SORBS2: variants seen among roughly 807,000 people sequenced by gnomAD.
SORBS2 encodes sorbin and SH3 domain-containing protein 2.
A neutral mutation model predicts 97.7 loss-of-function variants in SORBS2; 46 were observed. The observed-to-expected ratio is 0.47, with a 90% CI of 0.37 to 0.60. The LOEUF is 0.60. SORBS2 is among the 20% of genes least tolerant of loss of function. SORBS2 has a pLI of 0.00. For synonymous variants in SORBS2, 476 were observed against 473.4 expected (o/e 1.01, Z -0.07); for missense variants, 1,316 against 1,282.3 (o/e 1.03, Z -0.40).
At chr4:185,727,433 C>T (rs530920169) in intron 2 of SORBS2, among the ~76,000 whole-genome samples, 1 of 152,242 alleles carries the variant, frequency 6.6e-6, no homozygotes, top group South Asian at 2.1e-4. Context: ...TTTAACTATA[C>T]GTTTGTGTCA....
upstream of SORBS2, among the ~76,000 whole-genome samples, chr4:185,660,503 T>C (rs892484722): frequency 6.6e-6 from 1 of 152,224 alleles, no homozygotes; most frequent in African/African-American, 2.4e-5. Flanking sequence ...TCCTCAGGCA[T>C]AGCATCAGCG....
intron 14 of SORBS2, chr4:185,588,126 T>C (rs2095831624): frequency 6.1e-6 from 1 of 163,452 alleles, no homozygotes; most frequent in Admixed American, 6.2e-5. Context: ...AGGTGCGACA[T>C]GAAGACATCA....
At chr4:185,677,674 G>A (rs925709272) in intron 4 of SORBS2, 1 of 1,442,400 alleles carries the variant, frequency 6.9e-7, no homozygotes, top group African/African-American at 1.4e-5. Flanking sequence ...AAGAAATAAA[G>A]TTGAAAGAAA....
At chr4:185,857,221 C>G (rs1040591631) in intron 1 of SORBS2, among the ~76,000 whole-genome samples, 2 of 152,154 alleles carry the variant, frequency 1.3e-5, no homozygotes, top group Non-Finnish European at 2.9e-5. Context: ...ACATTGTTCC[C>G]AAAATGAATA....
intron 2 of SORBS2, among the ~76,000 whole-genome samples, chr4:185,707,457 T>C (rs79795350): frequency 0.047 from 7,161 of 152,220 alleles, 327 homozygotes; most frequent in East Asian, 0.2. Flanking sequence ...ATGAGCAATA[T>C]TGGAAATGCT....
intron 1 of SORBS2, among the ~76,000 whole-genome samples, chr4:185,809,023 T>C (rs1466135035): frequency 6.6e-6 from 1 of 152,176 alleles, no homozygotes; most frequent in African/African-American, 2.4e-5. Context: ...GTAGCTTTTA[T>C]GAAATTGGGA....
intron 2 of SORBS2, among the ~76,000 whole-genome samples, chr4:185,731,194 G>A (rs2098620765): frequency 1.3e-5 from 2 of 152,134 alleles, no homozygotes; most frequent in Non-Finnish European, 2.9e-5. Flanking sequence ...AAATGCAGAG[G>A]CTGTAAGGCT....
chr4:185,694,650 T>G (rs1383589279), intron 2 of SORBS2, among the ~76,000 whole-genome samples: 1 of 152,130 alleles, frequency 6.6e-6, no homozygotes, highest in Admixed American at 6.5e-5. Flanking sequence ...TTCGGGTCTA[T>G]AGTCTTTTAA....
intron 12 of SORBS2, among the ~76,000 whole-genome samples, chr4:185,602,798 T>C (rs1458992590): frequency 6.6e-6 from 1 of 152,196 alleles, no homozygotes; most frequent in African/African-American, 2.4e-5. Context: ...TGGCCTAAAA[T>C]TACGAGTTGA....
exon 15 of SORBS2, chr4:185,585,589 A>T (rs931305160): frequency 6.6e-6 from 1 of 151,844 alleles, no homozygotes; most frequent in African/African-American, 2.4e-5. Context: ...GCTTGTAAGA[A>T]TTCAAAGTCA....
chr4:185,872,319 T>G (rs1259626925), intron 1 of SORBS2, among the ~76,000 whole-genome samples: 1 of 152,204 alleles, frequency 6.6e-6, no homozygotes, highest in East Asian at 1.9e-4. Flanking sequence ...TAATCTAATC[T>G]GGGTCATTCC....
chr4:185,657,510 C>T (rs1346481223), upstream of SORBS2: 16 of 1,569,176 alleles, frequency 1.0e-5, no homozygotes, highest in Middle Eastern at 1.7e-4. Context: ...ACTCTCTTCT[C>T]TTCCTCTGAG....
chr4:185,868,456 G>A (rs6838265), intron 1 of SORBS2, among the ~76,000 whole-genome samples: 35,447 of 150,860 alleles, frequency 0.23, 4,536 homozygotes, highest in Middle Eastern at 0.32. Context: ...GTGCCCAGCC[G>A]AAAGCTTCTA....
chr4:185,678,732 C>G (rs1032665055), intron 3 of SORBS2, 64 bp downstream of exon 6: 3 of 1,209,372 alleles, frequency 2.5e-6, no homozygotes, highest in African/African-American at 3.1e-5. Flanking sequence ...AGCGATGTGG[C>G]TATGAATATG....
At chr4:185,839,685 A>G (rs992327824) in intron 1 of SORBS2, among the ~76,000 whole-genome samples, 1 of 152,228 alleles carries the variant, frequency 6.6e-6, no homozygotes, top group African/African-American at 2.4e-5. Flanking sequence ...AATAAAGGAC[A>G]TACGTATAAA....
intron 2 of SORBS2, among the ~76,000 whole-genome samples, chr4:185,681,005 G>A (rs2097859447): frequency 6.6e-6 from 1 of 152,124 alleles, no homozygotes; most frequent in South Asian, 2.1e-4. Flanking sequence ...CAGTAAGAGG[G>A]GTGGGCTGTT....
chr4:185,758,078 C>G (rs1415363543), intron 2 of SORBS2, among the ~76,000 whole-genome samples: 1 of 152,098 alleles, frequency 6.6e-6, no homozygotes, highest in African/African-American at 2.4e-5. Flanking sequence ...TTGCTGACAC[C>G]AGGGCATGAA....
chr4:185,799,232 C>A (rs931638375), intron 1 of SORBS2, among the ~76,000 whole-genome samples: 2 of 152,078 alleles, frequency 1.3e-5, no homozygotes, highest in African/African-American at 4.8e-5. Flanking sequence ...CAAGAAGAGC[C>A]ACCTAACATA....
chr4:185,951,180 T>C (rs2150027778), intron 1 of SORBS2, among the ~76,000 whole-genome samples: 1 of 152,304 alleles, frequency 6.6e-6, no homozygotes, highest in Non-Finnish European at 1.5e-5. Flanking sequence ...AACAGGTATG[T>C]ACCATCACGC....
Sources: gnomAD v4.1 joint callset for allele counts (sites outside exome capture counted in the v4.1 genomes callset) on GRCh38, gnomAD v4.1.1 for gene constraint, MANE v1.5 for transcripts, NCBI Gene and HGNC (gene_info 2026-07-23, HGNC 2026-07-21) for gene names.